The following SPTBN4 variants were observed in gnomAD, a reference collection of about 807,000 sequenced individuals.
The protein encoded by SPTBN4 is spectrin beta chain, non-erythrocytic 4.
Under a neutral mutation model 277.8 loss-of-function variants are expected in SPTBN4, and 96 were observed. That is an observed-to-expected ratio of 0.35 (90% CI 0.29 to 0.41). SPTBN4 has a LOEUF of 0.41. Ranked by LOEUF, SPTBN4 falls within the 10% of genes least tolerant of loss-of-function variation. SPTBN4 has a pLI of 1.00. For synonymous variants in SPTBN4, 1,481 were observed against 1,580.3 expected, an observed-to-expected ratio of 0.94 and a Z score of 1.49; for missense variants, 3,006 against 3,595.7, an observed-to-expected ratio of 0.84 and a Z score of 4.19.
chr19:40,523,364 C>T, intron 16 of SPTBN4, 73 bp from the exon 17 acceptor site: 3 of 1,453,818 alleles, frequency 2.1e-6, no homozygotes, highest in Non-Finnish European at 1.9e-6. Context: ...TGGTGGCAAG[C>T]CAGGCTGGCA....
In SPTBN4 at chr19:40,557,357, G is replaced by A. The variant is rs145142511; in HGVS notation, c.5624G>A (p.Arg1875Gln). The A allele has an allele frequency of 2.9e-4, 469 of 1,605,158 alleles. 2 individuals are homozygous for A. The highest frequency in any genetic ancestry group is 1.8e-4 in the Non-Finnish European group (211 of 1,175,552). Residue 1875 changes from arginine (R) to glutamine (Q), a missense_variant, in exon 26 of 36, where the codon CGG becomes CAG. Physicochemically the swap from Arg to Gln is conservative, Grantham distance 43 (BLOSUM62 1). Transcript: ENST00000598249. ...EPRPSASSMQRTLRAFEHDLQ... is the reference protein window; with the variant it reads ...EPRPSASSMQQTLRAFEHDLQ... ...AGACCCAGTGCCAGTTCCATGCAGC[G>A]GACCCTGAGAGCCTTTGAGCATGAC...
Position 40,554,236 on chromosome 19 carries a change from G to A in SPTBN4, c.4764G>A (p.Glu1588=), listed in dbSNP as rs1420506955. Residue 1588 remains glutamate (E), a synonymous_variant, in exon 23 of 36, where the codon GAG becomes GAA. Coordinates refer to ENST00000598249, the MANE Select transcript of SPTBN4 (RefSeq NM_020971.3). This position sits in a 1 kb window ranked among gnomAD's most constrained non-coding sequence, Gnocchi z 5.7. ...AGALASLRSP[E]AEAVRRGLEQ... ...CGCTGGCGTCGCTGCGCAGCCCGGAGGCAGAGGCAGTGCGCCGGGGCCTGG... is the reference window on the plus strand; with the variant it reads ...CGCTGGCGTCGCTGCGCAGCCCGGAAGCAGAGGCAGTGCGCCGGGGCCTGG... 1 of 1,524,032 alleles carries A rather than the reference G, an allele frequency of 6.6e-7. No individual in the cohort carries two copies. The highest frequency in any genetic ancestry group is 8.7e-7 in the Non-Finnish European group (1 of 1,143,032). The allele number at this position is 1,524,032 out of a possible 1,614,324, so 94.4% of individuals were successfully genotyped here. A position where few individuals can be genotyped will look rare whatever the true frequency, so the allele number is the denominator to read the frequency against.
intron 6 of SPTBN4, among the ~76,000 whole-genome samples, chr19:40,495,781 A>T (rs2080190390): frequency 6.6e-6 from 1 of 152,152 alleles, no homozygotes; most frequent in South Asian, 2.1e-4. Flanking sequence ...TGAGGGTCAG[A>T]CACCCACACA....
chr19:40,501,964 C>T lies in SPTBN4; in HGVS notation c.828C>T (p.Tyr276=), dbSNP rs147121644. The T allele has an allele frequency of 1.6e-4, 266 of 1,614,198 alleles. No individual in the cohort carries two copies. In the East Asian group the frequency reaches 4.1e-3, roughly 25 times the overall value. ...CAGATGAGAAGTCCATCATCACCTA[C>T]GTGGTCTCTTTCTACCACTATTTCT... ...EAPDEKSIIT[Y]VVSFYHYFSK... is the part of the protein sequence containing the mutation. The change falls in exon 8 of 36, where the codon TAC becomes TAT. Residue 276 remains tyrosine (Y), a synonymous_variant. Transcript: ENST00000598249.
intron 13 of SPTBN4, among the ~76,000 whole-genome samples, chr19:40,507,697 T>G (rs1015169386): frequency 1.3e-5 from 2 of 152,040 alleles, no homozygotes; most frequent in African/African-American, 2.4e-5. Flanking sequence ...TAGCCGGACA[T>G]AGTGGTGCAC....
intron 18 of SPTBN4, among the ~76,000 whole-genome samples, chr19:40,532,381 G>A (rs1221564902): frequency 6.6e-6 from 1 of 151,960 alleles, no homozygotes; most frequent in African/African-American, 2.4e-5. Flanking sequence ...CAGGACAGGG[G>A]ACAGGGGAGC....
In SPTBN4 at chr19:40,568,259, C is replaced by T. The variant is rs747237570; in HGVS notation, c.6933C>T (p.Pro2311=). The change falls in exon 31 of 36, where the codon CCC becomes CCT. Residue 2311 remains proline (P), a synonymous_variant. Coordinates refer to ENST00000598249, the MANE Select transcript of SPTBN4 (RefSeq NM_020971.3). ...AGGAGTCCAGCGAACAGGAGATGCC[C>T]ATCAGAGGAGACCTGGTCAAGGGGT... is the stretch of plus-strand genomic sequence containing the variant. ...ERQESSEQEM[P]IRGDLVKGKA... 2.1e-5 allele frequency: 34 copies of T among 1,605,312 alleles called. No homozygotes were observed. The highest frequency in any genetic ancestry group is 2.8e-5 in the Non-Finnish European group (33 of 1,176,374).
intron 17 of SPTBN4, among the ~76,000 whole-genome samples, chr19:40,525,213 C>A (rs2080576133): frequency 6.6e-6 from 1 of 152,144 alleles, no homozygotes; most frequent in African/African-American, 2.4e-5. Flanking sequence ...TGGGGCAAGG[C>A]AGCATGCTTC....
chr19:40,506,971 G>A (rs2080337859), intron 13 of SPTBN4, among the ~76,000 whole-genome samples: 1 of 151,416 alleles, frequency 6.6e-6, no homozygotes, highest in South Asian at 2.1e-4. Flanking sequence ...GTGACACAGT[G>A]AGATCTTGTC....
At position 40,554,058 on chromosome 19, in the gene SPTBN4, G is replaced by T; in HGVS notation, c.4675-89G>T. 3 of 1,283,046 alleles carry T rather than the reference G, an allele frequency of 2.3e-6. No individual in the cohort carries two copies. Among genetic ancestry groups the T allele is most frequent in the Non-Finnish European group, 3.0e-6 (3 of 989,456 alleles). 79.5% of individuals were successfully genotyped at this position (1,283,046 alleles called of 1,614,324 possible). A position where few individuals can be genotyped will look rare whatever the true frequency, so the allele number is the denominator to read the frequency against. On this transcript the variant is annotated intron_variant, in intron 22 of 35. Coordinates refer to ENST00000598249, the MANE Select transcript of SPTBN4 (RefSeq NM_020971.3). This position sits in a 1 kb window ranked among gnomAD's most constrained non-coding sequence, Gnocchi z 5.7. ...TGGGGGTGCTTGTTAATTGCCCCGT[G>T]GGCCGTGCCAGTAGCAGAGGAGCGT...
chr19:40,470,715 C>T (rs1431405275), intron 1 of SPTBN4, among the ~76,000 whole-genome samples: 1 of 151,342 alleles, frequency 6.6e-6, no homozygotes, highest in Non-Finnish European at 1.5e-5. Context: ...TCATTGCAAC[C>T]TGCGCCTCCT....
At chr19:40,495,842 C>T (rs933242665) in intron 6 of SPTBN4, among the ~76,000 whole-genome samples, 9 of 152,040 alleles carry the variant, frequency 5.9e-5, no homozygotes, top group African/African-American at 2.2e-4. Context: ...GAAACTGAGA[C>T]TCAGGCGCAG....
At chr19:40,521,712 G>C (rs762000909) in intron 16 of SPTBN4, among the ~76,000 whole-genome samples, 33 of 152,170 alleles carry the variant, frequency 2.2e-4, no homozygotes, top group Non-Finnish European at 4.4e-4. Flanking sequence ...CCCAGGGCTT[G>C]GGAAATCCTG....
chr19:40,470,750 A>G (rs2079875383), intron 1 of SPTBN4, among the ~76,000 whole-genome samples: 2 of 151,682 alleles, frequency 1.3e-5, no homozygotes. Context: ...CTCCTCCCTC[A>G]GCCTCCTGAG....
At chr19:40,557,478 G>T in intron 26 of SPTBN4, 75 bp downstream of exon 26, 5 of 1,480,586 alleles carry the variant, frequency 3.4e-6, no homozygotes, top group Non-Finnish European at 4.5e-6. Context: ...CAAAAATCAG[G>T]CTGTGGAGCA....
intron 5 of SPTBN4, 51 bp downstream of exon 5, chr19:40,493,105 C>T: frequency 2.6e-6 from 4 of 1,561,742 alleles, no homozygotes; most frequent in South Asian, 1.1e-5. Flanking sequence ...GGTCCCCTAA[C>T]CTCTGCAATT....
intron 20 of SPTBN4, among the ~76,000 whole-genome samples, chr19:40,542,355 C>T (rs989812521): frequency 6.6e-5 from 10 of 152,156 alleles, no homozygotes; most frequent in Non-Finnish European, 1.3e-4. Context: ...CCTCCCAGGT[C>T]CTGGCCACGT....
chr19:40,502,980 G>A lies in SPTBN4; in HGVS notation c.1362+47G>A, dbSNP rs1568782716. On this transcript the variant is annotated intron_variant, in intron 11 of 35. Transcript: ENST00000598249. This position sits in a 1 kb window ranked among gnomAD's most constrained non-coding sequence, Gnocchi z 4.9. ...TCCAGGGTAAAGGGACGGAGGGCGG[G>A]GCTGATGGTCCTGGGACCAGAGAGG... 2 of 1,594,484 alleles carry A rather than the reference G, an allele frequency of 1.3e-6. No individual in the cohort carries two copies. The highest frequency in any genetic ancestry group is 1.7e-6 in the Non-Finnish European group (2 of 1,169,870).
At chr19:40,536,848 C>T (rs756060470) in intron 20 of SPTBN4, among the ~76,000 whole-genome samples, 25 of 152,030 alleles carry the variant, frequency 1.6e-4, no homozygotes, top group Non-Finnish European at 2.6e-4. Context: ...TGCAGTGGTG[C>T]AATCACGGCT....
Sources: allele counts gnomAD v4.1 joint callset (sites outside exome capture counted in the v4.1 genomes callset), GRCh38; gene constraint gnomAD v4.1.1; non-coding constraint Gnocchi (gnomAD v3.1); transcripts MANE v1.5; gene names NCBI Gene and HGNC (gene_info 2026-07-23, HGNC 2026-07-21).